Variants in CUX1 observed in about 807,000 individuals in gnomAD.
CUX1 encodes cut like homeobox 1, also known as protein CASP.
A neutral mutation model predicts 158.8 loss-of-function variants in CUX1; 31 were observed. The ratio of observed to expected loss-of-function variants is 0.20; its 90% CI spans 0.15 to 0.26. The LOEUF (loss-of-function observed/expected upper bound fraction) is 0.26, where lower values mean the gene tolerates loss of function less well. Ranked by LOEUF, CUX1 falls within the 10% of genes least tolerant of loss-of-function variation. The probability of loss-of-function intolerance (pLI) is 1.00; values close to 1 mark genes in which losing one functional copy is unlikely to be tolerated. For synonymous variants in CUX1, 879 were observed against 862.1 expected (o/e 1.02, Z -0.34); for missense variants, 1,589 against 2,014.6 (o/e 0.79, Z 4.04).
intron 16 of CUX1, among the ~76,000 whole-genome samples, chr7:102,199,531 C>T (rs1367797854): frequency 2.0e-5 from 3 of 152,312 alleles, no homozygotes; most frequent in South Asian, 4.2e-4. Context: ...CTCCTTTCCT[C>T]GTATGTAAAT....
At chr7:102,158,385 G>A (rs1389151389) in intron 8 of CUX1, among the ~76,000 whole-genome samples, 175 bp from the exon 9 acceptor site, 2 of 151,992 alleles carry the variant, frequency 1.3e-5, no homozygotes, top group African/African-American at 4.8e-5. Context: ...AGAGCGCATG[G>A]CATCAGCAAG....
chr7:101,988,522 C>T (rs994079847), intron 2 of CUX1, among the ~76,000 whole-genome samples: 1 of 152,172 alleles, frequency 6.6e-6, no homozygotes, highest in Non-Finnish European at 1.5e-5. Context: ...CTCCCTGCTC[C>T]TCCTTTCCCT....
intron 12 of CUX1, among the ~76,000 whole-genome samples, 195 bp downstream of exon 12, chr7:102,190,066 G>C (rs1351376864): frequency 6.6e-6 from 1 of 152,248 alleles, no homozygotes; most frequent in Non-Finnish European, 1.5e-5. Context: ...CCTTGGGCCT[G>C]TCCCTGAATT....
chr7:101,846,986 T>TA (rs913781502), intron 1 of CUX1, among the ~76,000 whole-genome samples: 4 of 151,458 alleles, frequency 2.6e-5, no homozygotes, highest in East Asian at 1.9e-4. Flanking sequence ...TTTAAAAAAT[T>TA]AAAAAAAATT....
At chr7:101,921,170 C>T (rs1452159843) in intron 2 of CUX1, among the ~76,000 whole-genome samples, 2 of 152,108 alleles carry the variant, frequency 1.3e-5, no homozygotes, top group Non-Finnish European at 2.9e-5. Flanking sequence ...AGTAGCTGTG[C>T]GTCTTGGGGC....
chr7:102,267,158 T>C (rs1339338464), intron 14 of CUX1, among the ~76,000 whole-genome samples: 1 of 151,996 alleles, frequency 6.6e-6, no homozygotes, highest in Non-Finnish European at 1.5e-5. Flanking sequence ...GGCAGCAGCT[T>C]GGCCCCCTCA....
chr7:102,147,931 G>A lies in CUX1; in HGVS notation c.675-10629G>A, dbSNP rs556131899. On this transcript the variant is annotated intron_variant, in intron 8 of 23. Transcript: ENST00000292535. The stretch of plus-strand genomic sequence containing the variant: ...GCGGAGGTTACAGTGAACCGAGATC[G>A]CCCCACTGCCCTCCAGCCTGGGTGA... 8.9e-4 allele frequency among the ~76,000 whole-genome samples: 136 copies of A among 152,222 alleles called. 1 individual carries two copies. The highest frequency in any genetic ancestry group is 1.6e-3 in the Non-Finnish European group (111 of 68,020).
chr7:102,089,789 A>G (rs1299627637), intron 4 of CUX1, among the ~76,000 whole-genome samples: 1 of 152,134 alleles, frequency 6.6e-6, no homozygotes, highest in Non-Finnish European at 1.5e-5. Context: ...GCAAATTCCA[A>G]TTGCTGCAGC....
chr7:102,177,135 C>T (rs1192044942), intron 10 of CUX1, among the ~76,000 whole-genome samples: 2 of 151,540 alleles, frequency 1.3e-5, no homozygotes, highest in Admixed American at 6.6e-5. Flanking sequence ...AAATACTGGC[C>T]GGGCACAGTG....
intron 8 of CUX1, among the ~76,000 whole-genome samples, chr7:102,129,581 G>A (rs1193858994): frequency 6.6e-6 from 1 of 152,200 alleles, no homozygotes; most frequent in African/African-American, 2.4e-5. Context: ...CTACTCGGGA[G>A]GCTGAAGCAG....
Position 102,249,149 on chromosome 7 carries a change from T to A in CUX1, c.*107T>A. ...CGTGGCCTGGGCTTGGCCCGCGGCC[T>A]GCACCGACCCCGGGCCGGACCTGAG... On this transcript the variant is annotated 3_prime_UTR_variant, in exon 24 of 24. Transcript: ENST00000292535. The A allele has an allele frequency of 2.0e-5, 23 of 1,154,444 alleles. No individual in the cohort carries two copies. Among genetic ancestry groups the A allele is most frequent in the Non-Finnish European group, 2.5e-5 (23 of 936,528 alleles). 71.5% of individuals were successfully genotyped at this position (1,154,444 alleles called of 1,614,324 possible).
In CUX1 at chr7:101,931,972, A is replaced by T. The variant is rs900549496; in HGVS notation, c.141+15747A>T. Among the ~76,000 whole-genome samples the T allele has an allele frequency of 7.2e-5, 11 of 152,350 alleles. 1 individual carries two copies. Among genetic ancestry groups the T allele is most frequent in the Middle Eastern group, 3.4e-3 (1 of 294 alleles). ...TGATTGATTGTTTTAGATTTCATTCATAGGTGAATTTCATTCTCTATATTT... is the reference window on the plus strand; with the variant it reads ...TGATTGATTGTTTTAGATTTCATTCTTAGGTGAATTTCATTCTCTATATTT... On this transcript the variant is annotated intron_variant, in intron 2 of 23. Coordinates refer to ENST00000292535, the MANE Select transcript of CUX1 (RefSeq NM_181552.4).
intron 20 of CUX1, among the ~76,000 whole-genome samples, chr7:102,205,442 A>G (rs1586207873): frequency 6.6e-6 from 1 of 152,290 alleles, no homozygotes; most frequent in East Asian, 1.9e-4. Flanking sequence ...GCTGGGGTCT[A>G]AGTCGGAGAC....
chr7:102,280,028 T>C lies in CUX1; in HGVS notation c.1681-9T>C, dbSNP rs782553093. ...CTGACTGGTTCTCTTCCCCTCCCTG[T>C]CTGTGCAGGGCAGCGGCAGTGATGA... is the stretch of plus-strand genomic sequence containing the variant. On this transcript the variant is annotated splice_polypyrimidine_tract_variant and intron_variant, in intron 18 of 22. Transcript: ENST00000292538. The C allele has an allele frequency of 2.5e-6, 4 of 1,594,250 alleles. No homozygotes were observed. The African/African-American group carries it at 5.4e-5, about 21-fold the overall frequency.
chr7:102,112,373 C>G (rs1831005827), intron 7 of CUX1, among the ~76,000 whole-genome samples: 1 of 149,536 alleles, frequency 6.7e-6, no homozygotes, highest in South Asian at 2.1e-4. Context: ...TCCCGAGTAG[C>G]TGGGGCTACA....
At chr7:102,123,420 T>C (rs1200495376) in intron 8 of CUX1, among the ~76,000 whole-genome samples, 3 of 151,662 alleles carry the variant, frequency 2.0e-5, no homozygotes, top group African/African-American at 4.8e-5. Context: ...CCATCCTGGC[T>C]AACACAGTGA....
At chr7:101,878,554 G>A (rs1290750053) in intron 1 of CUX1, among the ~76,000 whole-genome samples, 1 of 152,068 alleles carries the variant, frequency 6.6e-6, no homozygotes, top group East Asian at 1.9e-4. Flanking sequence ...CCTTGATGCA[G>A]TTTTGTTCAA....
chr7:102,127,373 T>C (rs1554495629), intron 8 of CUX1, among the ~76,000 whole-genome samples: 2 of 151,722 alleles, frequency 1.3e-5, no homozygotes, highest in Non-Finnish European at 2.9e-5. Flanking sequence ...ACCAGGCCAG[T>C]TTTGTATTTT....
Position 102,234,997 on chromosome 7 carries a change from G to A in CUX1, c.3622+757G>A, listed in dbSNP as rs1384409839. On this transcript the variant is annotated intron_variant, in intron 22 of 23. Transcript: ENST00000292535. Reference sequence around the variant, plus strand: ...TTCGGTGCCTCCACCAAGGTCACCCGGCCTGGAAAGTGACAAAGCAAACTC... The same window carrying A: ...TTCGGTGCCTCCACCAAGGTCACCCAGCCTGGAAAGTGACAAAGCAAACTC... Among the ~76,000 whole-genome samples the A allele has an allele frequency of 3.3e-5, 5 of 152,040 alleles. No individual in the cohort carries two copies. In the East Asian group the frequency reaches 5.8e-4, roughly 18 times the overall value.
Sources: allele counts gnomAD v4.1 joint callset (sites outside exome capture counted in the v4.1 genomes callset), GRCh38; gene constraint gnomAD v4.1.1; transcripts MANE v1.5; gene names NCBI Gene and HGNC (gene_info 2026-07-23, HGNC 2026-07-21).